MLLT3: variants seen among roughly 807,000 people sequenced by gnomAD.
MLLT3 encodes the protein protein AF-9.
A neutral mutation model predicts 53.2 loss-of-function variants in MLLT3; 4 were observed. The observed-to-expected ratio is 0.08, with a 90% CI of 0.04 to 0.17. The LOEUF (loss-of-function observed/expected upper bound fraction) is 0.17, where lower values mean the gene tolerates loss of function less well. MLLT3 is among the 10% of genes least tolerant of loss of function. The pLI is 1.00. For synonymous variants in MLLT3, 283 were observed against 230.6 expected (o/e 1.23, Z -2.06); for missense variants, 569 against 684.0 (o/e 0.83, Z 1.87).
At chr9:20,427,873 G>C (rs1414320174) in intron 4 of MLLT3, among the ~76,000 whole-genome samples, 1 of 152,002 alleles carries the variant, frequency 6.6e-6, no homozygotes, top group Non-Finnish European at 1.5e-5. Context: ...ATTGCAAGCA[G>C]AGAAATATTA....
chr9:20,601,432 A>G (rs1820417413), intron 2 of MLLT3, among the ~76,000 whole-genome samples: 2 of 152,328 alleles, frequency 1.3e-5, no homozygotes, highest in East Asian at 3.9e-4. Context: ...ATGGAAAAAT[A>G]CTTAGCTGTA....
intron 2 of MLLT3, among the ~76,000 whole-genome samples, chr9:20,523,467 C>T (rs1818119151): frequency 6.6e-6 from 1 of 152,124 alleles, no homozygotes; most frequent in Non-Finnish European, 1.5e-5. Flanking sequence ...TTGAAAGCAA[C>T]CAAGATGTCC....
intron 5 of MLLT3, chr9:20,410,729 C>T (rs1822707235): frequency 1.3e-5 from 2 of 152,134 alleles, no homozygotes; most frequent in South Asian, 2.1e-4. Flanking sequence ...CTTAATACTA[C>T]TGACATTTTT....
chr9:20,370,420 C>T (rs1821568972), intron 5 of MLLT3, among the ~76,000 whole-genome samples: 4 of 152,018 alleles, frequency 2.6e-5, no homozygotes, highest in Admixed American at 2.6e-4. Context: ...CTCCTTGGGT[C>T]TCCCTATTCC....
intron 10 of MLLT3, among the ~76,000 whole-genome samples, chr9:20,349,390 C>T (rs1820955010): frequency 6.6e-6 from 1 of 152,124 alleles, no homozygotes; most frequent in African/African-American, 2.4e-5. Context: ...CCTTAATTAT[C>T]TGGGAGGTGA....
intron 4 of MLLT3, among the ~76,000 whole-genome samples, chr9:20,433,284 G>C (rs1823322811): frequency 6.6e-6 from 1 of 151,898 alleles, no homozygotes; most frequent in Non-Finnish European, 1.5e-5. Context: ...CAGGTTAAAG[G>C]GGCTCCCACT....
intron 2 of MLLT3, among the ~76,000 whole-genome samples, chr9:20,557,406 C>A (rs1474196156): frequency 6.6e-6 from 1 of 152,132 alleles, no homozygotes; most frequent in Non-Finnish European, 1.5e-5. Context: ...ATCAACATTA[C>A]CTGATGGGGG....
intron 2 of MLLT3, among the ~76,000 whole-genome samples, chr9:20,601,255 T>G (rs189673177): frequency 3.0e-4 from 46 of 152,346 alleles, no homozygotes; most frequent in African/African-American, 9.9e-4. Flanking sequence ...TAAGGCGTTT[T>G]GTATTCAAAA....
intron 2 of MLLT3, among the ~76,000 whole-genome samples, chr9:20,525,918 T>C (rs566433448): frequency 1.3e-5 from 2 of 152,356 alleles, no homozygotes; most frequent in African/African-American, 2.4e-5. Context: ...AGAACATTTG[T>C]ACTGAGACCA....
intron 2 of MLLT3, chr9:20,533,215 G>C (rs903353688): frequency 3.1e-6 from 1 of 320,764 alleles, no homozygotes; most frequent in Non-Finnish European, 6.2e-6. Context: ...GCTGGTGGAA[G>C]CCATCAGGAC....
At chr9:20,528,218 C>T (rs977831898) in intron 2 of MLLT3, among the ~76,000 whole-genome samples, 2 of 152,232 alleles carry the variant, frequency 1.3e-5, no homozygotes, top group Non-Finnish European at 2.9e-5. Flanking sequence ...GGCTATACCA[C>T]TGGGTGTGTG....
chr9:20,607,966 G>C (rs1277590100), intron 2 of MLLT3, among the ~76,000 whole-genome samples: 1 of 151,740 alleles, frequency 6.6e-6, no homozygotes, highest in Non-Finnish European at 1.5e-5. Context: ...TATTTTTGTA[G>C]CTTATATATG....
At chr9:20,413,494 TCTTTC>T (rs926652669) in intron 5 of MLLT3, among the ~76,000 whole-genome samples, 3 of 152,240 alleles carry the variant, frequency 2.0e-5, no homozygotes, top group Admixed American at 6.5e-5. Flanking sequence ...TATGGAAATA[TCTTTC>T]CTTTAACAAC....
At chr9:20,384,957 G>A (rs1318527437) in intron 5 of MLLT3, among the ~76,000 whole-genome samples, 1 of 152,022 alleles carries the variant, frequency 6.6e-6, no homozygotes. Flanking sequence ...AGATTATCTG[G>A]TCTTTCCCTC....
intron 4 of MLLT3, among the ~76,000 whole-genome samples, chr9:20,427,665 C>A (rs1375263242): frequency 7.9e-5 from 12 of 151,112 alleles, no homozygotes; most frequent in Admixed American, 7.3e-4. Context: ...ATGAAGAACA[C>A]CAAAACAAAA....
intron 2 of MLLT3, among the ~76,000 whole-genome samples, chr9:20,565,640 C>G (rs999724715): frequency 6.6e-6 from 1 of 151,776 alleles, no homozygotes; most frequent in Non-Finnish European, 1.5e-5. Flanking sequence ...GAAAACCTAA[C>G]CACGAATTAC....
At chr9:20,349,037 A>G (rs1820945731) in intron 10 of MLLT3, among the ~76,000 whole-genome samples, 1 of 152,228 alleles carries the variant, frequency 6.6e-6, no homozygotes, top group South Asian at 2.1e-4. Flanking sequence ...TAGAGCTATT[A>G]TAATTTCAAA....
At chr9:20,486,139 T>A (rs181110192) in intron 2 of MLLT3, among the ~76,000 whole-genome samples, 147 of 152,310 alleles carry the variant, frequency 9.7e-4, no homozygotes, top group African/African-American at 3.2e-3. Flanking sequence ...TTTTTTCTAT[T>A]CTTTTAGCAC....
chr9:20,591,485 A>T (rs997315841), intron 2 of MLLT3, among the ~76,000 whole-genome samples: 1 of 152,252 alleles, frequency 6.6e-6, no homozygotes. Context: ...ATAAACAGAT[A>T]TGTTAAAAAC....
Sources: allele counts gnomAD v4.1 joint callset (sites outside exome capture counted in the v4.1 genomes callset), GRCh38; gene constraint gnomAD v4.1.1; transcripts MANE v1.5; gene names NCBI Gene and HGNC (gene_info 2026-07-23, HGNC 2026-07-21).